The following ABCA9 variants were observed in gnomAD, a reference collection of about 807,000 sequenced individuals.
The protein encoded by ABCA9 is ATP-binding cassette sub-family A member 9.
Under a neutral mutation model 205.3 loss-of-function variants are expected in ABCA9, and 183 were observed. That is an observed-to-expected ratio of 0.89 (90% CI 0.79 to 1.01). ABCA9 has a LOEUF of 1.01. Among genes scored for constraint, ABCA9 ranks in the 50% least tolerant of loss-of-function variants. The probability of loss-of-function intolerance (pLI) is 0.00; values close to 1 mark genes in which losing one functional copy is unlikely to be tolerated. For missense variants in ABCA9, 1,805 were observed against 1,912.4 expected (o/e 0.94, Z 1.05); for synonymous variants, 651 against 683.3 (o/e 0.95, Z 0.74).
chr17:69,037,627 T>G, intron 6 of ABCA9, among the ~76,000 whole-genome samples: 1 of 152,204 alleles, frequency 6.6e-6, no homozygotes, highest in Middle Eastern at 3.4e-3. Flanking sequence ...AGGTCTAAAA[T>G]TGATACCCTA....
At chr17:69,017,447 T>G (rs2070659097) in intron 21 of ABCA9, among the ~76,000 whole-genome samples, 1 of 152,138 alleles carries the variant, frequency 6.6e-6, no homozygotes, top group Non-Finnish European at 1.5e-5. Flanking sequence ...GCATTCAACT[T>G]AATCAGGAAT....
chr17:69,029,311 G>T, intron 10 of ABCA9, 84 bp from the exon 11 acceptor site: 2 of 780,536 alleles, frequency 2.6e-6, no homozygotes, highest in Non-Finnish European at 4.0e-6. Context: ...CTTAATCAAA[G>T]CCTCAAAGAA....
Position 68,990,973 on chromosome 17 carries a change from T to C in ABCA9, c.3717-16A>G. On this transcript the variant is annotated splice_polypyrimidine_tract_variant and intron_variant, in intron 28 of 38. Transcript: ENST00000340001. ...TGGAGAAATTCTGAAATCAAAACAG[T>C]GTGATAATGATAAACTTCGGGTTAA... 2 of 1,593,418 alleles carry C rather than the reference T, an allele frequency of 1.3e-6. No homozygotes were observed. The highest frequency in any genetic ancestry group is 1.7e-6 in the Non-Finnish European group (2 of 1,174,970).
intron 31 of ABCA9, 179 bp from the exon 32 acceptor site, chr17:68,986,503 G>GAC (rs2069245082): frequency 1.9e-6 from 1 of 529,232 alleles, no homozygotes; most frequent in Admixed American, 3.7e-5. Flanking sequence ...TTAAAAGGCA[G>GAC]ACATTCCATG....
intron 25 of ABCA9, among the ~76,000 whole-genome samples, chr17:68,999,815 C>T (rs898804715): frequency 1.3e-5 from 2 of 151,534 alleles, no homozygotes; most frequent in Middle Eastern, 3.2e-3. Flanking sequence ...TAATGATTGC[C>T]ATTCTAACTG....
chr17:69,020,619 C>A, intron 18 of ABCA9, 33 bp from the exon 19 acceptor site: 1 of 1,588,658 alleles, frequency 6.3e-7, no homozygotes, highest in Non-Finnish European at 8.6e-7. Flanking sequence ...TATAAAGTGC[C>A]ATTTTAGTTA....
Position 68,983,772 on chromosome 17 carries a change from G to T in ABCA9, c.4577C>A (p.Ala1526Glu). ...YLLEMKLKNL[A>E]QMEPLHAEIL... is the part of the protein sequence containing the mutation. Reference sequence around the variant, plus strand: ...CTCTGCATGGAGGGGCTCCATTTGTGCCAGGTTCTTCAGCTTCATCTCCAG... The same window carrying T: ...CTCTGCATGGAGGGGCTCCATTTGTTCCAGGTTCTTCAGCTTCATCTCCAG... Residue 1526 changes from alanine to glutamate, a missense_variant, in exon 36 of 39, where the codon GCA (alanine) becomes GAA (glutamate). Transcript: ENST00000340001. 1 of 1,614,194 alleles carries T rather than the reference G, an allele frequency of 6.2e-7. No individual in the cohort carries two copies. Among genetic ancestry groups the T allele is most frequent in the Non-Finnish European group, 8.5e-7 (1 of 1,180,036 alleles).
intron 2 of ABCA9, among the ~76,000 whole-genome samples, chr17:69,050,350 A>G (rs1025172843): frequency 1.7e-5 from 1 of 58,492 alleles, no homozygotes; most frequent in Admixed American, 1.9e-4. Flanking sequence ...ACGAACACAC[A>G]CACACACACA....
Position 68,976,167 on chromosome 17 carries a change from C to T in ABCA9, c.4744G>A (p.Glu1582Lys), listed in dbSNP as rs1426322742. 4.3e-6 allele frequency: 7 copies of T among 1,614,076 alleles called. No individual in the cohort carries two copies. The South Asian group carries it at 5.5e-5, about 13-fold the overall frequency. The change falls in exon 38 of 39, where the codon GAG becomes AAG. Residue 1582 changes from glutamate to lysine, a missense_variant. By Grantham distance (56) the Glu-to-Lys change is moderately conservative. Coordinates refer to ENST00000340001, the MANE Select transcript of ABCA9 (RefSeq NM_080283.4). ...EIVKQSFDLE[E>K]YSLSQSTLEQ... ...AGGGTAGACTGTGAGAGGCTGTACT[C>T]CTCCAGGTCGAAACTCTGTTTAACT...
intron 23 of ABCA9, among the ~76,000 whole-genome samples, chr17:69,010,370 G>A (rs2070327367): frequency 6.6e-6 from 1 of 152,006 alleles, no homozygotes; most frequent in African/African-American, 2.4e-5. Flanking sequence ...AGAAGAAAGA[G>A]CATTCCAGCC....
chr17:69,060,520 A>T (rs564116678), intron 1 of ABCA9, among the ~76,000 whole-genome samples: 1 of 137,616 alleles, frequency 7.3e-6, no homozygotes, highest in East Asian at 3.3e-4. Context: ...CAGTAAAATT[A>T]AAAACAAACA....
chr17:69,073,066 T>C, the ABCA9 span, among the ~76,000 whole-genome samples: 1 of 152,200 alleles, frequency 6.6e-6, no homozygotes, highest in Non-Finnish European at 1.5e-5. Context: ...TAAATATATA[T>C]GCATCCAATA....
rs150793854 is a variant in ABCA9, at chr17:69,017,647, C to T, written c.2901+9G>A. On this transcript the variant is annotated intron_variant, in intron 21 of 38. Coordinates refer to ENST00000340001, the MANE Select transcript of ABCA9 (RefSeq NM_080283.4). ...TTTGGTGAAATGCAGCAACTGGAGT[C>T]CAGCATACCTTTTCATCACCTGACA... 1 of 1,612,160 alleles carries T rather than the reference C, an allele frequency of 6.2e-7. No homozygotes were observed. Among genetic ancestry groups the T allele is most frequent in the African/African-American group, 1.3e-5 (1 of 74,870 alleles).
At chr17:69,051,352 CT>C (rs2071895104) in intron 1 of ABCA9, among the ~76,000 whole-genome samples, 1 of 152,182 alleles carries the variant, frequency 6.6e-6, no homozygotes, top group Non-Finnish European at 1.5e-5. Context: ...GATATTATTT[CT>C]CCATCATTGG....
chr17:69,044,042 A>G (rs2071633089), intron 5 of ABCA9, among the ~76,000 whole-genome samples: 2 of 152,114 alleles, frequency 1.3e-5, no homozygotes, highest in South Asian at 4.1e-4. Flanking sequence ...AAATTCCATG[A>G]TAGAATCAGG....
intron 20 of ABCA9, 107 bp from the exon 21 acceptor site, chr17:69,017,896 C>CT (rs2070678872): frequency 1.6e-6 from 2 of 1,271,282 alleles, no homozygotes; most frequent in South Asian, 3.0e-5. Flanking sequence ...AAAGGACTGT[C>CT]TAAGGCTTTT....
intron 1 of ABCA9, among the ~76,000 whole-genome samples, chr17:69,055,643 C>T (rs2072046470): frequency 6.6e-6 from 1 of 152,032 alleles, no homozygotes; most frequent in African/African-American, 2.4e-5. Flanking sequence ...TTGAACTCAA[C>T]AATATAATCA....
At chr17:69,021,982 A>G in intron 17 of ABCA9, 121 bp from the exon 18 acceptor site, 1 of 731,186 alleles carries the variant, frequency 1.4e-6, no homozygotes, top group Non-Finnish European at 1.9e-6. Flanking sequence ...ATTGTGATAC[A>G]GATGATCTCA....
chr17:69,033,303 CAAAAAAAA>C (rs374917872), intron 9 of ABCA9: 1 of 86,844 alleles, frequency 1.2e-5, no homozygotes, highest in African/African-American at 4.5e-5. Context: ...CGAGACTTCT[CAAAAAAAA>C]AAAAAAAAAA....
Sources: gnomAD v4.1 joint callset for allele counts (sites outside exome capture counted in the v4.1 genomes callset) on GRCh38, gnomAD v4.1.1 for gene constraint, MANE v1.5 for transcripts, NCBI Gene and HGNC (gene_info 2026-07-23, HGNC 2026-07-21) for gene names.